The following PXDN variants were observed in gnomAD, a reference collection of about 807,000 sequenced individuals.
PXDN encodes peroxidasin.
Under a neutral mutation model 140.3 loss-of-function variants are expected in PXDN, and 77 were observed. That is an observed-to-expected ratio of 0.55 (90% confidence interval 0.46 to 0.66). The LOEUF is 0.66. Among genes scored for constraint, PXDN ranks in the 30% least tolerant of loss-of-function variants. The pLI, the probability that PXDN is intolerant of heterozygous loss-of-function variation, is 0.00. For missense variants in PXDN, 1,838 were observed against 2,039.5 expected (o/e 0.90, Z 1.90); for synonymous variants, 911 against 857.4 (o/e 1.06, Z -1.09).
intron 6 of PXDN, among the ~76,000 whole-genome samples, chr2:1,683,132 A>G (rs1018675894): frequency 1.2e-4 from 18 of 152,138 alleles, no homozygotes; most frequent in African/African-American, 4.3e-4. Context: ...CTGTAATCCC[A>G]GCACTTTGGG....
At chr2:1,645,151 G>A (rs749276263) in intron 17 of PXDN, among the ~76,000 whole-genome samples, 5 of 151,982 alleles carry the variant, frequency 3.3e-5, no homozygotes, top group Non-Finnish European at 5.9e-5. Context: ...ATAGTTTATT[G>A]TTCATGTGTA....
Position 1,643,398 on chromosome 2 carries a change from C to A in PXDN, c.3922G>T (p.Asp1308Tyr). The A allele has an allele frequency of 6.2e-7, 1 of 1,613,940 alleles. No individual in the cohort carries two copies. The highest frequency in any genetic ancestry group is 8.5e-7 in the Non-Finnish European group (1 of 1,179,904). The change falls in exon 19 of 23, where the codon GAC (aspartate) becomes TAC (tyrosine). Residue 1308 changes from aspartate (D) to tyrosine (Y), a missense_variant. Around this residue, in one of 5 missense-constraint regions of PXDN, gnomAD observed 850 missense variants for 894.1 expected, o/e 0.95. Coordinates refer to ENST00000252804, the MANE Select transcript of PXDN (RefSeq NM_012293.3). ...CAGCAGTCCTGCCACACCCGGAGGTCTACCCTGGGGATCTCGTCACAGCTG... is the reference window on the plus strand; with the variant it reads ...CAGCAGTCCTGCCACACCCGGAGGTATACCCTGGGGATCTCGTCACAGCTG... Reference protein sequence around the residue: ...YGSCDEIPRVDLRVWQDCCED... With the variant: ...YGSCDEIPRVYLRVWQDCCED...
chr2:1,678,278 A>ATATAAAC (rs1006352073), intron 7 of PXDN, among the ~76,000 whole-genome samples: 5 of 152,106 alleles, frequency 3.3e-5, no homozygotes, highest in African/African-American at 1.2e-4. Flanking sequence ...TCCTTCTAGA[A>ATATAAAC]TATAAACATC....
chr2:1,728,682 C>T (rs1334667620), intron 1 of PXDN, among the ~76,000 whole-genome samples: 1 of 152,164 alleles, frequency 6.6e-6, no homozygotes, highest in Non-Finnish European at 1.5e-5. Context: ...ACAGTGTTGC[C>T]GTTCTGGCTG....
intron 1 of PXDN, among the ~76,000 whole-genome samples, chr2:1,736,342 G>A (rs934162239): frequency 6.6e-6 from 1 of 152,148 alleles, no homozygotes; most frequent in African/African-American, 2.4e-5. Context: ...CCACTGTAGG[G>A]TTATCAACTG....
rs1558489818 is a variant in PXDN, at chr2:1,649,518, G to C, written c.2262C>G (p.Pro754=). ...AGGCGGTCAGCGAGGCGCCCCACATGGGGTGCTGCAGGTTGTTACAGGTGC... is the reference window on the plus strand; with the variant it reads ...AGGCGGTCAGCGAGGCGCCCCACATCGGGTGCTGCAGGTTGTTACAGGTGC... ...HDGTCNNLQH[P]MWGASLTAFE... The change falls in exon 17 of 23, where the codon CCC becomes CCG. Residue 754 remains proline, a synonymous_variant. Transcript: ENST00000252804. The surrounding 1 kb of genome is among the most constrained non-coding windows in gnomAD (Gnocchi z 7.1). 1 of 1,614,036 alleles carries C rather than the reference G, an allele frequency of 6.2e-7. No individual in the cohort carries two copies. Among genetic ancestry groups the C allele is most frequent in the Admixed American group, 1.7e-5 (1 of 60,030 alleles).
In PXDN at chr2:1,651,558, CTTAACT is replaced by C. The variant is rs1034807613; in HGVS notation, c.2105-1889_2105-1884del. Among the ~76,000 whole-genome samples the C allele has an allele frequency of 4.6e-5, 7 of 152,330 alleles. No individual in the cohort carries two copies. Among genetic ancestry groups the C allele is most frequent in the South Asian group, 2.1e-4 (1 of 4,822 alleles). ...CCCTTTCTGGTGGAGCACAAATCTC[CTTAACT>C]TTATCAGCCCTTCCTCACCCCCTTT... On this transcript the variant is annotated intron_variant, in intron 16 of 22. Transcript: ENST00000252804. This position sits in a 1 kb window ranked among gnomAD's most constrained non-coding sequence, Gnocchi z 4.4.
chr2:1,675,903 C>T (rs987225144), intron 8 of PXDN, among the ~76,000 whole-genome samples: 23 of 152,318 alleles, frequency 1.5e-4, no homozygotes, highest in East Asian at 3.9e-4. Context: ...AGAGGAGCAG[C>T]GCAGGAGTGC....
At chr2:1,640,523 C>A (rs1369907891) in intron 19 of PXDN, among the ~76,000 whole-genome samples, 1 of 152,208 alleles carries the variant, frequency 6.6e-6, no homozygotes, top group African/African-American at 2.4e-5. Context: ...CCTCTGCCCC[C>A]ACAGCGGAGC....
intron 16 of PXDN, chr2:1,653,174 G>A (rs188416113): frequency 2.9e-4 from 83 of 282,590 alleles, no homozygotes; most frequent in African/African-American, 1.1e-3. Flanking sequence ...ACACCAGCCC[G>A]AGGTGATCTC....
At position 1,648,169 on chromosome 2, in the gene PXDN, C is replaced by A. The variant is rs769502289; in HGVS notation, c.3608+3G>T. 2 of 1,610,026 alleles carry A rather than the reference C, an allele frequency of 1.2e-6. No individual in the cohort carries two copies. Among genetic ancestry groups the A allele is most frequent in the Non-Finnish European group, 1.7e-6 (2 of 1,176,816 alleles). On this transcript the variant is annotated splice_donor_region_variant and intron_variant, in intron 17 of 22. Coordinates refer to ENST00000252804, the MANE Select transcript of PXDN (RefSeq NM_012293.3). This position sits in a 1 kb window ranked among gnomAD's most constrained non-coding sequence, Gnocchi z 8.9. ...GCCATCCCACACAGCCTCTTCAGCT[C>A]ACCTTTTCAGTTTCTCCCGGATCTC...
intron 19 of PXDN, among the ~76,000 whole-genome samples, chr2:1,640,642 G>T (rs555013994): frequency 6.6e-6 from 1 of 152,320 alleles, no homozygotes; most frequent in African/African-American, 2.4e-5. Flanking sequence ...ATCGTCTCAG[G>T]AGCAGAGAAG....
chr2:1,727,992 G>A (rs1203705820), intron 1 of PXDN, among the ~76,000 whole-genome samples: 1 of 152,178 alleles, frequency 6.6e-6, no homozygotes, highest in African/African-American at 2.4e-5. Context: ...CTTGAGTGCA[G>A]TGATGCAATC....
At chr2:1,663,479 CA>C in intron 12 of PXDN, 125 bp downstream of exon 12, 1 of 1,335,928 alleles carries the variant, frequency 7.5e-7, no homozygotes, top group East Asian at 2.3e-5. Flanking sequence ...TGACGGTGCA[CA>C]AAATGCAGAG....
At chr2:1,725,106 T>G (rs573777640) in intron 1 of PXDN, among the ~76,000 whole-genome samples, 3 of 152,382 alleles carry the variant, frequency 2.0e-5, no homozygotes, top group African/African-American at 7.2e-5. Flanking sequence ...CTAATTATTT[T>G]ATTCTTTTTG....
intron 22 of PXDN, among the ~76,000 whole-genome samples, chr2:1,634,842 C>G (rs1395246932): frequency 2.0e-5 from 3 of 152,226 alleles, no homozygotes; most frequent in Non-Finnish European, 2.9e-5. Context: ...CTGTCCTCCC[C>G]ATCCTGCCTC....
At chr2:1,676,780 G>A (rs1439786840) in intron 8 of PXDN, 147 bp downstream of exon 8, 4 of 818,124 alleles carry the variant, frequency 4.9e-6, no homozygotes, top group African/African-American at 3.4e-5. Context: ...ACCGGAAAAG[G>A]AGCAGAAATA....
chr2:1,716,812 T>C (rs1402021467), intron 1 of PXDN, among the ~76,000 whole-genome samples: 2 of 152,138 alleles, frequency 1.3e-5, no homozygotes, highest in Non-Finnish European at 2.9e-5. Context: ...AGGACAAACA[T>C]GAGGGGCTGG....
At chr2:1,717,548 T>C (rs1684923142) in intron 1 of PXDN, among the ~76,000 whole-genome samples, 1 of 152,156 alleles carries the variant, frequency 6.6e-6, no homozygotes, top group South Asian at 2.1e-4. Context: ...ATTTACCTAA[T>C]AGATGAAAAG....
Sources: allele counts gnomAD v4.1 joint callset (sites outside exome capture counted in the v4.1 genomes callset), GRCh38; gene constraint gnomAD v4.1.1; regional missense constraint gnomAD v4.1.1; non-coding constraint Gnocchi (gnomAD v3.1); transcripts MANE v1.5; gene names NCBI Gene and HGNC (gene_info 2026-07-23, HGNC 2026-07-21).